Variants in SLC4A10 observed in about 807,000 individuals in gnomAD.
SLC4A10 encodes the protein solute carrier family 4 member 10.
In SLC4A10, 42 loss-of-function variants were observed where a neutral mutation model predicts 137.7. The observed-to-expected ratio is 0.30, with a 90% CI of 0.24 to 0.39. SLC4A10 has a LOEUF of 0.39. SLC4A10 is among the 10% of genes least tolerant of loss of function. The pLI, the probability that SLC4A10 is intolerant of heterozygous loss-of-function variation, is 1.00. For missense variants in SLC4A10, 925 were observed against 1,355.0 expected (o/e 0.68, Z 4.98); for synonymous variants, 474 against 464.1 (o/e 1.02, Z -0.27).
intron 5 of SLC4A10, among the ~76,000 whole-genome samples, chr2:161,859,298 T>TTTC (rs1198737573): frequency 7.0e-6 from 1 of 141,882 alleles, no homozygotes; most frequent in Non-Finnish European, 1.6e-5. Context: ...TTTCTTTTCT[T>TTTC]TTTTTTTTTT....
intron 16 of SLC4A10, among the ~76,000 whole-genome samples, chr2:161,946,344 G>A (rs1204082860): frequency 6.6e-6 from 1 of 152,010 alleles, no homozygotes; most frequent in South Asian, 2.1e-4. Context: ...TTTACTAGTT[G>A]TTTGTTTTCA....
chr2:161,887,856 G>A (rs2062476852), intron 10 of SLC4A10, among the ~76,000 whole-genome samples: 1 of 152,138 alleles, frequency 6.6e-6, no homozygotes, highest in African/African-American at 2.4e-5. Flanking sequence ...TGCTTTTGGT[G>A]TTTTAGTCAT....
chr2:161,656,053 C>G (rs1357999609), intron 1 of SLC4A10, among the ~76,000 whole-genome samples: 1 of 152,008 alleles, frequency 6.6e-6, no homozygotes, highest in East Asian at 1.9e-4. Flanking sequence ...ACCTCGTGAT[C>G]CAACCCCCTC....
chr2:161,974,205 G>C, intron 23 of SLC4A10, 44 bp from the exon 24 acceptor site: 1 of 1,459,632 alleles, frequency 6.9e-7, no homozygotes, highest in Non-Finnish European at 9.3e-7. Context: ...GTAAAATGGA[G>C]ACTCATCAGG....
rs980761034 is a variant in SLC4A10, at chr2:161,817,237, T to A, written c.277+12642T>A. Among the ~76,000 whole-genome samples, 19 of 152,370 alleles carry A rather than the reference T, an allele frequency of 1.2e-4. No homozygotes were observed. In the South Asian group the frequency reaches 3.1e-3, roughly 25 times the overall value. ...GCATTTCTCTGATGGCCAGTGATGA[T>A]GAGCATTTTTTCATGTGCCTGTTGG... On this transcript the variant is annotated intron_variant, in intron 3 of 26. Coordinates refer to ENST00000446997, the MANE Select transcript of SLC4A10 (RefSeq NM_001178015.2).
chr2:161,892,502 C>G (rs887118565), intron 10 of SLC4A10, among the ~76,000 whole-genome samples: 10 of 152,136 alleles, frequency 6.6e-5, no homozygotes, highest in African/African-American at 1.9e-4. Context: ...GTCTGTTTAT[C>G]AGACCAATAA....
chr2:161,629,739 A>G (rs2105394648), intron 1 of SLC4A10, among the ~76,000 whole-genome samples: 1 of 151,904 alleles, frequency 6.6e-6, no homozygotes. Context: ...GTAACCACTG[A>G]CTTTTTTACT....
intron 3 of SLC4A10, among the ~76,000 whole-genome samples, chr2:161,819,796 C>T (rs1347966928): frequency 6.6e-6 from 1 of 152,054 alleles, no homozygotes; most frequent in Non-Finnish European, 1.5e-5. Flanking sequence ...ATCCAGCCCA[C>T]ATTTGTTATT....
chr2:161,638,000 ATTGT>A (rs1462310671), intron 1 of SLC4A10, among the ~76,000 whole-genome samples: 1 of 151,974 alleles, frequency 6.6e-6, no homozygotes. Flanking sequence ...TTGCTATTTA[ATTGT>A]TTGAGTTTCT....
intron 5 of SLC4A10, among the ~76,000 whole-genome samples, chr2:161,855,803 GAA>G (rs2060066289): frequency 6.6e-6 from 1 of 151,972 alleles, no homozygotes; most frequent in African/African-American, 2.4e-5. Context: ...AATGAATTTT[GAA>G]AGAGTATAAA....
intron 1 of SLC4A10, among the ~76,000 whole-genome samples, chr2:161,746,275 G>T (rs1238849682): frequency 6.6e-6 from 1 of 151,900 alleles, no homozygotes; most frequent in African/African-American, 2.4e-5. Context: ...ATTTTACTGG[G>T]GCTGAGCTGG....
At chr2:161,720,348 T>C (rs1426945067) in intron 1 of SLC4A10, among the ~76,000 whole-genome samples, 1 of 152,234 alleles carries the variant, frequency 6.6e-6, no homozygotes, top group Non-Finnish European at 1.5e-5. Context: ...AGCTTTGTTC[T>C]TTTGGCTTAG....
chr2:161,717,616 C>A (rs897646009), intron 1 of SLC4A10, among the ~76,000 whole-genome samples: 2 of 152,102 alleles, frequency 1.3e-5, no homozygotes, highest in African/African-American at 2.4e-5. Context: ...ATACGCTGAA[C>A]CACCCTTGCA....
At chr2:161,817,942 A>T (rs1171805730) in intron 3 of SLC4A10, among the ~76,000 whole-genome samples, 1 of 151,614 alleles carries the variant, frequency 6.6e-6, no homozygotes, top group East Asian at 2.0e-4. Context: ...CTTTTGGCTT[A>T]GGATTGACTT....
chr2:161,854,885 T>A, intron 4 of SLC4A10, 85 bp from the exon 5 acceptor site: 1 of 1,312,266 alleles, frequency 7.6e-7, no homozygotes, highest in Non-Finnish European at 1.0e-6. Flanking sequence ...TGACTATTTT[T>A]CTATTTCAAC....
At chr2:161,977,142 T>G (rs1699510577) in intron 25 of SLC4A10, among the ~76,000 whole-genome samples, 1 of 152,120 alleles carries the variant, frequency 6.6e-6, no homozygotes, top group African/African-American at 2.4e-5. Flanking sequence ...TTCAGTATGA[T>G]TTTATTTTAT....
intron 3 of SLC4A10, among the ~76,000 whole-genome samples, chr2:161,816,357 C>CTCT (rs1431404795): frequency 1.3e-5 from 2 of 152,066 alleles, no homozygotes; most frequent in Non-Finnish European, 2.9e-5. Flanking sequence ...TGCTATGAAG[C>CTCT]TAGATATATG....
chr2:161,777,058 T>C (rs906981639), intron 2 of SLC4A10, among the ~76,000 whole-genome samples: 1 of 151,586 alleles, frequency 6.6e-6, no homozygotes, highest in Non-Finnish European at 1.5e-5. Flanking sequence ...AATAGGCAAG[T>C]GACTTGAATA....
intron 3 of SLC4A10, among the ~76,000 whole-genome samples, chr2:161,838,786 AATGGCTAC>A (rs2058984965): frequency 6.6e-6 from 1 of 152,232 alleles, no homozygotes; most frequent in African/African-American, 2.4e-5. Flanking sequence ...CACTACATAG[AATGGCTAC>A]AAAACAACTG....
Sources: allele counts gnomAD v4.1 joint callset (sites outside exome capture counted in the v4.1 genomes callset), GRCh38; gene constraint gnomAD v4.1.1; transcripts MANE v1.5; gene names NCBI Gene and HGNC (gene_info 2026-07-23, HGNC 2026-07-21).